The following EIF3J variants were observed in gnomAD, a reference collection of about 807,000 sequenced individuals.
EIF3J encodes the protein eukaryotic translation initiation factor 3 subunit J.
Under a neutral mutation model 39.0 loss-of-function variants are expected in EIF3J, and 15 were observed. That is an observed-to-expected ratio of 0.38 (90% CI 0.26 to 0.59). The LOEUF is 0.59. Among genes scored for constraint, EIF3J ranks in the 20% least tolerant of loss-of-function variants. The pLI, the probability that EIF3J is intolerant of heterozygous loss-of-function variation, is 0.60. For synonymous variants in EIF3J, 98 were observed against 112.9 expected (o/e 0.87, Z 0.84); for missense variants, 226 against 308.6 (o/e 0.73, Z 2.00).
chr15:44,560,663 T>C (rs1213979989), intron 7 of EIF3J: 1 of 336,422 alleles, frequency 3.0e-6, no homozygotes, highest in Admixed American at 4.4e-5. Flanking sequence ...TTTATAAGAG[T>C]AAAGTAAGAG....
chr15:44,538,959 TAATGTC>T (rs1481800876), intron 2 of EIF3J, among the ~76,000 whole-genome samples: 1 of 152,050 alleles, frequency 6.6e-6, no homozygotes, highest in Non-Finnish European at 1.5e-5. Context: ...TAGTCTAGAC[TAATGTC>T]ATGGAATAAC....
At position 44,543,542 on chromosome 15, in the gene EIF3J, T is replaced by C. The variant is rs555422034; in HGVS notation, c.147+6115T>C. ...GATTCTCCTGCCTCAGCCTCCCAAGTAGCTGGGACTACAGGTGTGCGCCAC... is the reference window on the plus strand; with the variant it reads ...GATTCTCCTGCCTCAGCCTCCCAAGCAGCTGGGACTACAGGTGTGCGCCAC... On this transcript the variant is annotated intron_variant, in intron 2 of 7. Transcript: ENST00000261868. Among the ~76,000 whole-genome samples the C allele has an allele frequency of 3.3e-5, 5 of 152,004 alleles. 1 individual carries two copies. The highest frequency in any genetic ancestry group is 1.2e-4 in the African/African-American group (5 of 41,412).
intron 2 of EIF3J, among the ~76,000 whole-genome samples, chr15:44,547,976 T>C (rs1464888818): frequency 6.6e-6 from 1 of 152,158 alleles, no homozygotes; most frequent in Non-Finnish European, 1.5e-5. Flanking sequence ...TAACTGCTAA[T>C]GGAGAAGCTT....
chr15:44,553,686 G>T (rs185807614), intron 4 of EIF3J, among the ~76,000 whole-genome samples: 1 of 152,036 alleles, frequency 6.6e-6, no homozygotes, highest in Admixed American at 6.5e-5. Flanking sequence ...GAACCATTCT[G>T]TTGGACATTT....
intron 2 of EIF3J, among the ~76,000 whole-genome samples, chr15:44,550,126 G>A (rs970077399): frequency 2.0e-5 from 3 of 152,168 alleles, no homozygotes; most frequent in South Asian, 2.1e-4. Context: ...TAAATCACTT[G>A]TGAGGGCCTA....
At chr15:44,546,753 T>G (rs992702630) in intron 2 of EIF3J, among the ~76,000 whole-genome samples, 1 of 151,996 alleles carries the variant, frequency 6.6e-6, no homozygotes, top group Non-Finnish European at 1.5e-5. Flanking sequence ...AAAATTGTGT[T>G]TGATAATTGG....
intron 2 of EIF3J, among the ~76,000 whole-genome samples, chr15:44,539,698 C>T (rs2081993032): frequency 1.3e-5 from 2 of 151,764 alleles, no homozygotes; most frequent in Admixed American, 1.3e-4. Context: ...CCACACCCGG[C>T]CCCAGTTGCT....
chr15:44,543,400 C>T (rs989316550), intron 2 of EIF3J, among the ~76,000 whole-genome samples: 2 of 149,220 alleles, frequency 1.3e-5, no homozygotes, highest in Non-Finnish European at 3.0e-5. Context: ...CTTCTTGGTA[C>T]ATGTTGATAG....
chr15:44,543,417 CTTT>C (rs759322625), intron 2 of EIF3J, among the ~76,000 whole-genome samples: 3 of 135,408 alleles, frequency 2.2e-5, no homozygotes, highest in Admixed American at 7.4e-5. Context: ...ATAGGAACCA[CTTT>C]TTTTTTTTTT....
chr15:44,537,556 G>T, intron 2 of EIF3J, 129 bp downstream of exon 2: 1 of 956,284 alleles, frequency 1.0e-6, no homozygotes. Flanking sequence ...GCCTGGCGGT[G>T]CTCTCTTCCC....
At chr15:44,555,897 C>T (rs1395849446) in intron 5 of EIF3J, among the ~76,000 whole-genome samples, 1 of 152,032 alleles carries the variant, frequency 6.6e-6, no homozygotes, top group Non-Finnish European at 1.5e-5. Flanking sequence ...CTGGCTCTGT[C>T]ATCCAGGCTA....
chr15:44,553,358 G>GT (rs2082116656), intron 4 of EIF3J, among the ~76,000 whole-genome samples: 1 of 152,052 alleles, frequency 6.6e-6, no homozygotes, highest in African/African-American at 2.4e-5. Flanking sequence ...CGGGCGTGGT[G>GT]GCGGGCGCCT....
At chr15:44,545,565 T>C (rs1346534658) in intron 2 of EIF3J, among the ~76,000 whole-genome samples, 2 of 152,252 alleles carry the variant, frequency 1.3e-5, no homozygotes, top group Non-Finnish European at 2.9e-5. Context: ...TATTTAAAAC[T>C]TTTTTAAAAT....
chr15:44,544,981 C>T (rs1030014236), intron 2 of EIF3J, among the ~76,000 whole-genome samples: 61 of 149,346 alleles, frequency 4.1e-4, no homozygotes, highest in South Asian at 8.5e-4. Flanking sequence ...TCCAGCCTGG[C>T]GACACAGTGA....
chr15:44,537,650 C>A (rs2140886809), intron 2 of EIF3J, among the ~76,000 whole-genome samples: 1 of 152,360 alleles, frequency 6.6e-6, no homozygotes, highest in East Asian at 1.9e-4. Context: ...TGCTCTCCGG[C>A]GTGGATCCCA....
chr15:44,538,786 C>A (rs942005122), intron 2 of EIF3J, among the ~76,000 whole-genome samples: 1 of 152,216 alleles, frequency 6.6e-6, no homozygotes, highest in Non-Finnish European at 1.5e-5. Context: ...AGCAGATTTT[C>A]AGTTTTGAGC....
rs1224803370 is a variant in EIF3J at position 44,561,687 on chromosome 15, C to CTAGTT, written c.*540_*544dup. 6.6e-6 allele frequency: 1 copy of CTAGTT among 152,426 alleles called. No homozygotes were observed. Among genetic ancestry groups the CTAGTT allele is most frequent in the Non-Finnish European group, 1.5e-5 (1 of 68,050 alleles). The allele number at this position is 152,426 out of a possible 1,614,324, so 9.4% of individuals were successfully genotyped here. ...GTGAAGATACTGCGGCTGAAAAGCA[C>CTAGTT]TAGTTTGATATAAAATTAAAATGAC... On this transcript the variant is annotated 3_prime_UTR_variant, in exon 8 of 8. Transcript: ENST00000261868.
In EIF3J at chr15:44,561,122, T is replaced by C; in HGVS notation, c.750T>C (p.Tyr250=). The C allele has an allele frequency of 6.2e-7, 1 of 1,613,010 alleles. No individual in the cohort carries two copies. The highest frequency in any genetic ancestry group is 8.5e-7 in the Non-Finnish European group (1 of 1,179,770). ...LADYGGYDGG[Y]VQDYEDFM is the part of the protein sequence containing the mutation. ...ATTATGGTGGTTATGATGGAGGATA[T>C]GTACAAGACTATGAAGACTTCATGT... The change falls in exon 8 of 8, where the codon TAT becomes TAC. Residue 250 remains tyrosine (Y), a synonymous_variant. Transcript: ENST00000261868.
rs1185413489 is a variant in EIF3J at position 44,540,253 on chromosome 15, ATATATATATATATATTTT to A, written c.147+2828_147+2845del. ...CGCCTGGCTATATATATATATATAT[ATATATATATATATATTTT>A]TTTTTTTTTTTTGTAGATACAGGGT... On this transcript the variant is annotated intron_variant, in intron 2 of 7. Coordinates refer to ENST00000261868, the MANE Select transcript of EIF3J (RefSeq NM_003758.4). 5.2e-3 allele frequency among the ~76,000 whole-genome samples: 261 copies of A among 50,494 alleles called. 6 individuals carry two copies. The highest frequency in any genetic ancestry group is 0.014 in the African/African-American group (236 of 16,814). The allele number at this position is 50,494 out of a possible 152,430, so 33.1% of individuals were successfully genotyped here. A position where few individuals can be genotyped will look rare whatever the true frequency, so the allele number is the denominator to read the frequency against.
Sources: gnomAD v4.1 joint callset for allele counts (sites outside exome capture counted in the v4.1 genomes callset) on GRCh38, gnomAD v4.1.1 for gene constraint, MANE v1.5 for transcripts, NCBI Gene and HGNC (gene_info 2026-07-23, HGNC 2026-07-21) for gene names.